Variants in SLC45A2 observed in about 807,000 individuals in gnomAD.
SLC45A2 encodes solute carrier family 45 member 2.
In SLC45A2, 36 loss-of-function variants were observed where a neutral mutation model predicts 45.5. That is an observed-to-expected ratio of 0.79 (90% CI 0.61 to 1.04). SLC45A2 has a LOEUF of 1.04. Among genes scored for constraint, SLC45A2 ranks in the 50% least tolerant of loss-of-function variants. The pLI is 0.00. For synonymous variants in SLC45A2, 306 were observed against 269.3 expected (o/e 1.14, Z -1.33); for missense variants, 719 against 671.0 (o/e 1.07, Z -0.79).
At chr5:33,960,559 G>A (rs532487139) in intron 3 of SLC45A2, among the ~76,000 whole-genome samples, 5 of 152,286 alleles carry the variant, frequency 3.3e-5, no homozygotes, top group South Asian at 2.1e-4. Flanking sequence ...GCTAAGCTAT[G>A]AGGATGCAAA....
chr5:33,954,076 T>C (rs1752195793), intron 4 of SLC45A2, among the ~76,000 whole-genome samples: 1 of 151,542 alleles, frequency 6.6e-6, no homozygotes, highest in South Asian at 2.1e-4. Context: ...CTGAGTGACC[T>C]ACAAAGAGAC....
chr5:33,981,015 C>T (rs528053686), intron 2 of SLC45A2, among the ~76,000 whole-genome samples: 5 of 152,140 alleles, frequency 3.3e-5, no homozygotes, highest in East Asian at 1.9e-4. Flanking sequence ...AGGACGCCAG[C>T]GGGGTGGGAG....
intron 3 of SLC45A2, among the ~76,000 whole-genome samples, chr5:33,956,613 A>C (rs1442935396): frequency 6.6e-6 from 1 of 152,186 alleles, no homozygotes; most frequent in Non-Finnish European, 1.5e-5. Context: ...CCACCATAAC[A>C]ATGCTTCTGC....
chr5:33,977,385 G>A (rs927812894), intron 2 of SLC45A2, among the ~76,000 whole-genome samples: 70 of 152,208 alleles, frequency 4.6e-4, no homozygotes, highest in African/African-American at 1.6e-3. Context: ...CTTCCTGATG[G>A]AGTTATCTAC....
intron 2 of SLC45A2, among the ~76,000 whole-genome samples, chr5:33,969,065 C>CTCTCTCTCTCTGTCTCTCTGTG: frequency 4.4e-4 from 45 of 102,464 alleles, no homozygotes; most frequent in African/African-American, 1.7e-3. Flanking sequence ...CTCTCTCTCT[C>CTCTCTCTCTCTGTCTCTCTGTG]TGTGTGTGTG....
intron 2 of SLC45A2, among the ~76,000 whole-genome samples, chr5:33,975,337 A>C (rs1236201300): frequency 6.6e-6 from 1 of 152,228 alleles, no homozygotes; most frequent in Non-Finnish European, 1.5e-5. Flanking sequence ...TGCTAACAGC[A>C]AGGCAATGAA....
chr5:33,979,321 G>C (rs1253987276), intron 2 of SLC45A2, among the ~76,000 whole-genome samples: 1 of 152,220 alleles, frequency 6.6e-6, no homozygotes, highest in African/African-American at 2.4e-5. Flanking sequence ...GTTATCTATA[G>C]ACTTGGAAGC....
At chr5:33,946,948 C>G in intron 6 of SLC45A2, 2 of 1,469,902 alleles carry the variant, frequency 1.4e-6, no homozygotes, top group Non-Finnish European at 1.8e-6. Context: ...CCTAAGTGAG[C>G]AGGAGTTGAG....
chr5:33,981,044 C>T (rs1400548180), intron 2 of SLC45A2, among the ~76,000 whole-genome samples: 1 of 152,038 alleles, frequency 6.6e-6, no homozygotes, highest in Non-Finnish European at 1.5e-5. Context: ...TGAGGAGACA[C>T]ACGTGGAAAG....
chr5:33,984,243 A>G lies in SLC45A2; in HGVS notation c.341T>C (p.Leu114Pro), dbSNP rs760017253. Residue 114 changes from leucine (L) to proline (P), a missense_variant, in exon 1 of 7, where the codon CTC (leucine) becomes CCC (proline). Physicochemically the swap from Leu to Pro is moderately conservative, Grantham distance 98. Coordinates refer to ENST00000296589, the MANE Select transcript of SLC45A2 (RefSeq NM_016180.5). ...ATTGAGGTACAGAGCCATGCCCACG[A>G]GCATCATGACTCCCAGGGTGAGGAT... ...PYILTLGVMMLVGMALYLNGA... is the reference protein window; with the variant it reads ...PYILTLGVMMPVGMALYLNGA... 1.9e-6 allele frequency: 3 copies of G among 1,614,120 alleles called. No homozygotes were observed. The highest frequency in any genetic ancestry group is 1.7e-6 in the Non-Finnish European group (2 of 1,180,012).
chr5:33,954,509 A>T lies in SLC45A2; in HGVS notation c.889-5T>A, dbSNP rs753405408. 6.2e-7 allele frequency: 1 copy of T among 1,613,634 alleles called. No individual in the cohort carries two copies. The highest frequency in any genetic ancestry group is 1.1e-5 in the South Asian group (1 of 91,036). ...TAATGTCATTGCCCTGCGAGTCTGA[A>T]ATAAAACATGAAACAGAGGTGTGAT... On this transcript the variant is annotated splice_region_variant and splice_polypyrimidine_tract_variant and intron_variant, in intron 3 of 6. Coordinates refer to ENST00000296589, the MANE Select transcript of SLC45A2 (RefSeq NM_016180.5).
At chr5:33,960,257 T>C (rs1752411100) in intron 3 of SLC45A2, among the ~76,000 whole-genome samples, 1 of 144,512 alleles carries the variant, frequency 6.9e-6, no homozygotes. Context: ...TCTATTTTTT[T>C]TATTATGGAC....
chr5:33,973,637 TGAA>T (rs1444217361), intron 2 of SLC45A2, among the ~76,000 whole-genome samples: 1 of 152,254 alleles, frequency 6.6e-6, no homozygotes, highest in African/African-American at 2.4e-5. Context: ...GTGCATACTT[TGAA>T]GTATTAAAAG....
rs1177355814 is a variant in SLC45A2 at position 33,964,016 on chromosome 5, C to A, written c.563G>T (p.Gly188Val). 6.2e-6 allele frequency: 10 copies of A among 1,613,560 alleles called. No homozygotes were observed. The East Asian group carries it at 2.2e-4, about 36-fold the overall frequency. ...KGLHYHALFTGFGGALGYLLG... is the reference protein window; with the variant it reads ...KGLHYHALFTVFGGALGYLLG... ...AAGGTAACCCAGGGCACCTCCAAAA[C>A]CTGGAAAGCAAGAAAAGCTATGTTA... is the stretch of plus-strand genomic sequence containing the variant. The change falls in exon 3 of 7, where the codon GGT becomes GTT. Residue 188 changes from glycine to valine, a missense_variant and splice_region_variant. By Grantham distance (109) the Gly-to-Val change is moderately radical. Transcript: ENST00000296589.
At position 33,948,595 on chromosome 5, in the gene SLC45A2, T is replaced by C. The variant is rs540012585; in HGVS notation, c.1157-1221A>G. 4.6e-5 allele frequency among the ~76,000 whole-genome samples: 7 copies of C among 152,330 alleles called. No individual in the cohort carries two copies. The East Asian group carries it at 9.6e-4, about 21-fold the overall frequency. ...CTCTCACACTGATGGAAGACAAAGATCTGGAAATGACAAGTAGGCAACATT... is the reference window on the plus strand; with the variant it reads ...CTCTCACACTGATGGAAGACAAAGACCTGGAAATGACAAGTAGGCAACATT... On this transcript the variant is annotated intron_variant, in intron 5 of 6. Transcript: ENST00000296589.
intron 2 of SLC45A2, chr5:33,971,070 T>C (rs913488191): frequency 2.8e-5 from 14 of 503,104 alleles, no homozygotes; most frequent in Non-Finnish European, 5.2e-5. Context: ...GAAAAATTCA[T>C]TGTTAAAGCT....
chr5:33,960,762 A>G (rs1197617839), intron 3 of SLC45A2, among the ~76,000 whole-genome samples: 4 of 152,276 alleles, frequency 2.6e-5, no homozygotes, highest in African/African-American at 9.6e-5. Flanking sequence ...CTATGGAAAT[A>G]CATTTTTTTT....
At chr5:33,950,502 C>T (rs934744807) in intron 5 of SLC45A2, among the ~76,000 whole-genome samples, 2 of 152,234 alleles carry the variant, frequency 1.3e-5, no homozygotes, top group East Asian at 3.9e-4. Context: ...ATATGAGGTC[C>T]CATTTTCCCA....
At chr5:33,973,012 C>T (rs777487308) in intron 2 of SLC45A2, among the ~76,000 whole-genome samples, 11 of 152,012 alleles carry the variant, frequency 7.2e-5, no homozygotes, top group Non-Finnish European at 1.3e-4. Flanking sequence ...TTCAGACCTA[C>T]AGAAATAAAT....
Sources: gnomAD v4.1 joint callset for allele counts (sites outside exome capture counted in the v4.1 genomes callset) on GRCh38, gnomAD v4.1.1 for gene constraint, MANE v1.5 for transcripts, NCBI Gene and HGNC (gene_info 2026-07-23, HGNC 2026-07-21) for gene names.